Variants in MAGI2 observed in about 807,000 individuals in gnomAD.
MAGI2 encodes membrane-associated guanylate kinase, WW and PDZ domain-containing protein 2.
Under a neutral mutation model 133.3 loss-of-function variants are expected in MAGI2, and 35 were observed. The observed-to-expected ratio is 0.26, with a 90% confidence interval of 0.20 to 0.35. The LOEUF is 0.35. Ranked by LOEUF, MAGI2 falls within the 10% of genes least tolerant of loss-of-function variation. The pLI is 1.00. For missense variants in MAGI2, 1,636 were observed against 1,863.4 expected, an observed-to-expected ratio of 0.88 and a Z score of 2.25; for synonymous variants, 729 against 710.6, an observed-to-expected ratio of 1.03 and a Z score of -0.41.
chr7:79,137,137 A>G (rs1022755576), intron 1 of MAGI2, among the ~76,000 whole-genome samples: 4 of 151,970 alleles, frequency 2.6e-5, no homozygotes, highest in Non-Finnish European at 5.9e-5. Context: ...TCTCTGGCTT[A>G]TGTGGTGGGA....
At chr7:79,227,771 G>T (rs186952132) in intron 1 of MAGI2, among the ~76,000 whole-genome samples, 1 of 152,242 alleles carries the variant, frequency 6.6e-6, no homozygotes, top group East Asian at 1.9e-4. Context: ...AGAAAAAGTT[G>T]AATTGTTAAC....
chr7:78,824,556 G>A (rs1048463365), intron 2 of MAGI2, among the ~76,000 whole-genome samples: 4 of 151,958 alleles, frequency 2.6e-5, no homozygotes, highest in Non-Finnish European at 5.9e-5. Flanking sequence ...CATGTTTGTT[G>A]GCTGCATAAA....
intron 6 of MAGI2, among the ~76,000 whole-genome samples, chr7:78,383,455 G>T (rs1795106276): frequency 6.6e-6 from 1 of 151,914 alleles, no homozygotes; most frequent in African/African-American, 2.4e-5. Flanking sequence ...TTTTTAATGG[G>T]ATTAGTTGTT....
chr7:78,514,792 C>A (rs930447067), intron 4 of MAGI2, among the ~76,000 whole-genome samples: 2 of 152,174 alleles, frequency 1.3e-5, no homozygotes, highest in African/African-American at 4.8e-5. Context: ...AGCACAGGAC[C>A]TGGATGCGGG....
chr7:78,871,126 C>T (rs993203001), intron 2 of MAGI2, among the ~76,000 whole-genome samples: 12 of 151,968 alleles, frequency 7.9e-5, no homozygotes, highest in African/African-American at 7.3e-5. Context: ...TTGGCTAACA[C>T]GGTGAAACCC....
chr7:79,387,094 T>TTGTGTGTGTGTGTGTGTGTGTGTG (rs3050633), intron 1 of MAGI2, among the ~76,000 whole-genome samples: 19 of 141,588 alleles, frequency 1.3e-4, no homozygotes, highest in African/African-American at 4.0e-4. Context: ...ATTTTTATGC[T>TTGTGTGTGTGTGTGTGTGTGTGTG]TGTGTGTGTG....
intron 2 of MAGI2, among the ~76,000 whole-genome samples, chr7:78,800,903 A>T (rs1258195795): frequency 3.9e-5 from 6 of 152,128 alleles, no homozygotes; most frequent in African/African-American, 1.4e-4. Context: ...ATGAATGGCA[A>T]CCTCTAGTTG....
At chr7:78,749,374 G>A (rs945045583) in intron 2 of MAGI2, among the ~76,000 whole-genome samples, 5 of 152,312 alleles carry the variant, frequency 3.3e-5, no homozygotes, top group African/African-American at 1.2e-4. Flanking sequence ...TGGAGCTTAT[G>A]TTTTCGGGAG....
At chr7:78,603,809 C>T (rs1237691975) in intron 3 of MAGI2, among the ~76,000 whole-genome samples, 1 of 152,142 alleles carries the variant, frequency 6.6e-6, no homozygotes, top group East Asian at 1.9e-4. Context: ...GTGTGAGTCA[C>T]CCCGCCCAGC....
intron 10 of MAGI2, among the ~76,000 whole-genome samples, chr7:78,232,824 T>C (rs1287506872): frequency 2.0e-5 from 3 of 152,136 alleles, no homozygotes; most frequent in South Asian, 2.1e-4. Context: ...ATTTTTAAGA[T>C]AGGAAGAAAT....
At chr7:78,317,154 C>T (rs1309221175) in intron 9 of MAGI2, among the ~76,000 whole-genome samples, 3 of 152,104 alleles carry the variant, frequency 2.0e-5, no homozygotes, top group African/African-American at 7.2e-5. Context: ...AGGCTGATTC[C>T]CCATTCCATA....
chr7:78,947,918 A>G (rs1801554103), intron 2 of MAGI2, among the ~76,000 whole-genome samples: 1 of 152,148 alleles, frequency 6.6e-6, no homozygotes, highest in South Asian at 2.1e-4. Context: ...GTCACCAATG[A>G]TGATATTCAA....
At chr7:78,546,613 C>A (rs1462125249) in intron 3 of MAGI2, among the ~76,000 whole-genome samples, 4 of 152,148 alleles carry the variant, frequency 2.6e-5, no homozygotes. Context: ...CTGTGTCCCC[C>A]TGTGTCCTCT....
chr7:78,410,009 G>A (rs1001951589), intron 6 of MAGI2, among the ~76,000 whole-genome samples: 3 of 151,896 alleles, frequency 2.0e-5, no homozygotes, highest in African/African-American at 7.3e-5. Flanking sequence ...TGAAAGGACC[G>A]TCATCAGCTA....
intron 1 of MAGI2, among the ~76,000 whole-genome samples, chr7:79,432,130 T>A (rs1484944682): frequency 6.6e-6 from 1 of 152,186 alleles, no homozygotes; most frequent in Admixed American, 6.5e-5. Flanking sequence ...ACTAATCATA[T>A]CCCTGGTCAA....
chr7:78,891,902 T>G (rs934040924), intron 2 of MAGI2, among the ~76,000 whole-genome samples: 4 of 152,046 alleles, frequency 2.6e-5, no homozygotes, highest in Non-Finnish European at 4.4e-5. Flanking sequence ...GAGAAAGAAA[T>G]AAAGGGTATT....
At chr7:78,672,589 A>G (rs571757863) in intron 2 of MAGI2, among the ~76,000 whole-genome samples, 18 of 152,314 alleles carry the variant, frequency 1.2e-4, no homozygotes, top group African/African-American at 4.3e-4. Context: ...CTGTTGAGAC[A>G]TGTAATAACC....
chr7:78,249,713 G>A (rs924244029), intron 10 of MAGI2, among the ~76,000 whole-genome samples: 1 of 152,092 alleles, frequency 6.6e-6, no homozygotes, highest in Admixed American at 6.5e-5. Flanking sequence ...AGGGTAGTGG[G>A]AAGGAGGGGT....
intron 1 of MAGI2, among the ~76,000 whole-genome samples, chr7:79,195,579 A>G (rs1007114617): frequency 6.6e-6 from 1 of 151,966 alleles, no homozygotes; most frequent in Non-Finnish European, 1.5e-5. Flanking sequence ...CAATGAAACC[A>G]GCCACTCTTC....
Sources: allele counts gnomAD v4.1 joint callset (sites outside exome capture counted in the v4.1 genomes callset), GRCh38; gene constraint gnomAD v4.1.1; transcripts MANE v1.5; gene names NCBI Gene and HGNC (gene_info 2026-07-23, HGNC 2026-07-21).